Variants in AGGF1 observed in about 807,000 individuals in gnomAD.
AGGF1 encodes angiogenic factor with G-patch and FHA domains 1.
A neutral mutation model predicts 86.5 loss-of-function variants in AGGF1; 56 were observed. The ratio of observed to expected loss-of-function variants is 0.65; its 90% CI spans 0.52 to 0.81. AGGF1 has a LOEUF of 0.81. AGGF1 is among the 30% of genes least tolerant of loss of function. AGGF1 has a pLI of 0.00. For missense variants in AGGF1, 816 were observed against 850.9 expected (o/e 0.96, Z 0.51); for synonymous variants, 313 against 297.1 (o/e 1.05, Z -0.55).
At chr5:77,060,595 G>C (rs2150735765) in intron 12 of AGGF1, among the ~76,000 whole-genome samples, 1 of 152,178 alleles carries the variant, frequency 6.6e-6, no homozygotes, top group South Asian at 2.1e-4. Context: ...TAAATTTTGA[G>C]TTTAGTTAAA....
At chr5:77,052,506 G>A (rs1290685647) in intron 8 of AGGF1, among the ~76,000 whole-genome samples, 200 bp from the exon 9 acceptor site, 1 of 152,080 alleles carries the variant, frequency 6.6e-6, no homozygotes, top group Admixed American at 6.5e-5. Context: ...GGTAATTAAA[G>A]GTAGATTTAT....
chr5:77,056,889 T>C (rs1747471341), intron 11 of AGGF1, among the ~76,000 whole-genome samples: 1 of 151,644 alleles, frequency 6.6e-6, no homozygotes, highest in Non-Finnish European at 1.5e-5. Context: ...ATCTAGAATA[T>C]ACAAAAAACT....
chr5:77,050,425 C>T lies in AGGF1; in HGVS notation c.1365+1438C>T, dbSNP rs182152571. 2.7e-3 allele frequency among the ~76,000 whole-genome samples: 412 copies of T among 150,692 alleles called. 4 individuals carry two copies. Among genetic ancestry groups the T allele is most frequent in the Admixed American group, 0.023 (340 of 15,022 alleles). On this transcript the variant is annotated intron_variant, in intron 8 of 13. Transcript: ENST00000312916. ...ACACCTCCTGGGCTTAAGTGATCCT[C>T]CTGCCTCAGTTTCCTGAGTAGCTAG...
rs1311292704 is a variant in AGGF1 at position 77,035,742 on chromosome 5, A to C, written c.515A>C (p.Gln172Pro). 6.2e-7 allele frequency: 1 copy of C among 1,611,858 alleles called. No individual in the cohort carries two copies. Among genetic ancestry groups the C allele is most frequent in the Admixed American group, 1.7e-5 (1 of 60,012 alleles). Reference sequence around the variant, plus strand: ...GTGGACCATTTTGCCTCAAATTCACAGGTAATAAAATGCTAAACATGAAAC... The same window carrying C: ...GTGGACCATTTTGCCTCAAATTCACCGGTAATAAAATGCTAAACATGAAAC... ...RQVDHFASNSQEPASALATED... is the reference protein window; with the variant it reads ...RQVDHFASNSPEPASALATED... Residue 172 changes from glutamine (Q) to proline (P), a missense_variant and splice_region_variant, in exon 3 of 14, where the codon CAG (glutamine) becomes CCG (proline). Coordinates refer to ENST00000312916, the MANE Select transcript of AGGF1 (RefSeq NM_018046.5).
rs1747594197 is a variant in AGGF1, at chr5:77,063,150, C to T, written c.2043C>T (p.Asn681=). The part of the protein sequence containing the change: ...VHLLQNKNKK[N]WDKARERFTE... ...TTCTCCAAAACAAGAACAAAAAAAA[C>T]TGGGACAAAGCACGAGAGCGGTTTA... Residue 681 remains asparagine, a synonymous_variant, in exon 14 of 14, where the codon AAC becomes AAT. Transcript: ENST00000312916. The T allele has an allele frequency of 6.2e-7, 1 of 1,613,976 alleles. No homozygotes were observed. The highest frequency in any genetic ancestry group is 1.3e-5 in the African/African-American group (1 of 74,980).
intron 5 of AGGF1, among the ~76,000 whole-genome samples, chr5:77,043,744 G>T (rs868852093): frequency 0.033 from 4,314 of 132,628 alleles, 205 homozygotes; most frequent in African/African-American, 0.11. Context: ...CTTCCCAGAT[G>T]GGGTGGCTGC....
At chr5:77,036,102 T>A (rs1746963119) in intron 3 of AGGF1, 2 of 260,296 alleles carry the variant, frequency 7.7e-6, no homozygotes, top group East Asian at 2.0e-4. Flanking sequence ...CTATTCAAAT[T>A]TCCCTGAATC....
chr5:77,063,882 T>C lies in AGGF1; in HGVS notation c.*630T>C, dbSNP rs1413550103. The C allele has an allele frequency of 2.6e-5, 4 of 153,324 alleles. No homozygotes were observed. The highest frequency in any genetic ancestry group is 9.6e-5 in the African/African-American group (4 of 41,460). The allele number at this position is 153,324 out of a possible 1,614,324, so 9.5% of individuals were successfully genotyped here. A position where few individuals can be genotyped will look rare whatever the true frequency, so the allele number is the denominator to read the frequency against. ...TATTCAGCATTTATATTTGGTTTGT[T>C]TCATAGCTAATGAGGTATTTAGATA... On this transcript the variant is annotated 3_prime_UTR_variant, in exon 14 of 14. Coordinates refer to ENST00000312916, the MANE Select transcript of AGGF1 (RefSeq NM_018046.5).
At chr5:77,052,887 T>C (rs1747399675) in intron 9 of AGGF1, 80 bp downstream of exon 9, 1 of 1,191,808 alleles carries the variant, frequency 8.4e-7, no homozygotes, top group African/African-American at 1.5e-5. Context: ...GCATAATCTT[T>C]ATCATTTGGT....
rs750010456 is a variant in AGGF1 at position 77,046,525 on chromosome 5, T to C, written c.1049T>C (p.Ile350Thr). ...ATAGAGTCTCCTCTTCATGAAAACA[T>C]CTCTAATTCAACATCATTTAAAGAT... is the stretch of plus-strand genomic sequence containing the variant. ...NTIESPLHEN[I>T]SNSTSFKDEK... is the part of the protein sequence containing the mutation. The change falls in exon 6 of 14, where the codon ATC becomes ACC. Residue 350 changes from isoleucine to threonine, a missense_variant. Around this residue, in one of 3 missense-constraint regions of AGGF1, gnomAD observed 565 missense variants for 585.8 expected, o/e 0.96. Transcript: ENST00000312916. 3 of 1,614,010 alleles carry C rather than the reference T, an allele frequency of 1.9e-6. No individual in the cohort carries two copies. In the Admixed American group the frequency reaches 5.0e-5, roughly 27 times the overall value.
intron 7 of AGGF1, 67 bp from the exon 8 acceptor site, chr5:77,048,869 T>C: frequency 1.4e-6 from 2 of 1,460,084 alleles, no homozygotes; most frequent in Non-Finnish European, 1.9e-6. Context: ...TTTTTTAAAA[T>C]TCTTTCCATG....
chr5:77,036,577 A>G lies in AGGF1; in HGVS notation c.538A>G (p.Thr180Ala), dbSNP rs9715897. Residue 180 changes from threonine to alanine, a missense_variant, in exon 4 of 14, where the codon ACA becomes GCA. By Grantham distance (58) the Thr-to-Ala change is moderately conservative. Around this residue, in one of 3 missense-constraint regions of AGGF1, gnomAD observed 240 missense variants for 234.4 expected, o/e 1.02. Coordinates refer to ENST00000312916, the MANE Select transcript of AGGF1 (RefSeq NM_018046.5). Reference protein sequence around the residue: ...NSQEPASALATEDTSLEGSSL... With the variant: ...NSQEPASALAAEDTSLEGSSL... ...ATAGGAGCCAGCATCTGCATTAGCAACAGAAGATACCTCCTTAGAAGGCTC... is the reference window on the plus strand; with the variant it reads ...ATAGGAGCCAGCATCTGCATTAGCAGCAGAAGATACCTCCTTAGAAGGCTC... 4 of 1,614,170 alleles carry G rather than the reference A, an allele frequency of 2.5e-6. No individual in the cohort carries two copies. The highest frequency in any genetic ancestry group is 3.4e-6 in the Non-Finnish European group (4 of 1,180,014).
At chr5:77,032,759 C>T (rs1002760196) in intron 1 of AGGF1, among the ~76,000 whole-genome samples, 1 of 152,062 alleles carries the variant, frequency 6.6e-6, no homozygotes, top group African/African-American at 2.4e-5. Flanking sequence ...TTTGATAAAT[C>T]AGACTAAATG....
intron 1 of AGGF1, among the ~76,000 whole-genome samples, chr5:77,031,915 C>G (rs908435164): frequency 6.6e-6 from 1 of 151,844 alleles, no homozygotes; most frequent in African/African-American, 2.4e-5. Context: ...AAATAAAAAC[C>G]AAAAAACCAA....
Position 77,030,815 on chromosome 5 carries a change from T to G in AGGF1, c.49T>G (p.Ser17Ala). ...SPPRSPPPPTSPEPELAQLRR... is the reference protein window; with the variant it reads ...SPPRSPPPPTAPEPELAQLRR... The stretch of plus-strand genomic sequence containing the variant: ...GCCGCGGTCGCCGCCGCCGCCCACC[T>G]CCCCCGAGCCTGAGCTGGCCCAGCT... Residue 17 changes from serine to alanine, a missense_variant, in exon 1 of 14, where the codon TCC becomes GCC. Physicochemically the swap from Ser to Ala is moderately conservative, Grantham distance 99. This residue lies in a region of AGGF1 where 240 missense variants were observed against 234.4 expected (regional missense o/e 1.02). Transcript: ENST00000312916. The G allele has an allele frequency of 6.2e-7, 1 of 1,606,338 alleles. No individual in the cohort carries two copies. The highest frequency in any genetic ancestry group is 2.2e-5 in the East Asian group (1 of 44,762).
chr5:77,040,763 C>CT (rs1290517686), intron 5 of AGGF1, among the ~76,000 whole-genome samples: 2 of 152,204 alleles, frequency 1.3e-5, no homozygotes, highest in Non-Finnish European at 2.9e-5. Context: ...TATTTGATAT[C>CT]TTACTCTTGA....
intron 1 of AGGF1, 69 bp downstream of exon 1, chr5:77,031,045 C>T: frequency 6.5e-7 from 1 of 1,533,620 alleles, no homozygotes; most frequent in Non-Finnish European, 9.0e-7. Flanking sequence ...GTGATAGCCT[C>T]GGAAGGGGTC....
chr5:77,051,394 C>T (rs1273600153), intron 8 of AGGF1, among the ~76,000 whole-genome samples: 5 of 150,080 alleles, frequency 3.3e-5, no homozygotes, highest in Admixed American at 6.6e-5. Flanking sequence ...GATCATGCCA[C>T]TGCACTCCGG....
At chr5:77,047,068 T>G (rs186428302) in intron 6 of AGGF1, among the ~76,000 whole-genome samples, 2 of 152,330 alleles carry the variant, frequency 1.3e-5, no homozygotes, top group Non-Finnish European at 2.9e-5. Context: ...ATGGATATTA[T>G]GGTAAATCTA....
Sources: gnomAD v4.1 joint callset for allele counts (sites outside exome capture counted in the v4.1 genomes callset) on GRCh38, gnomAD v4.1.1 for gene constraint, gnomAD v4.1.1 regional missense constraint, MANE v1.5 for transcripts, NCBI Gene and HGNC (gene_info 2026-07-23, HGNC 2026-07-21) for gene names.